The following ENDOG variants were observed in gnomAD, a reference collection of about 807,000 sequenced individuals.
The protein encoded by ENDOG is endonuclease G, mitochondrial.
A neutral mutation model predicts 22.6 loss-of-function variants in ENDOG; 22 were observed. The ratio of observed to expected loss-of-function variants is 0.97; its 90% confidence interval spans 0.70 to 1.39. The LOEUF is 1.39. Ranked by LOEUF, ENDOG falls within the 40% of genes most tolerant of loss-of-function variation. The probability of loss-of-function intolerance (pLI) is 0.00; values close to 1 mark genes in which losing one functional copy is unlikely to be tolerated. For missense variants in ENDOG, 403 were observed against 431.3 expected (o/e 0.93, Z 0.58); for synonymous variants, 173 against 200.2 (o/e 0.86, Z 1.15).
At chr9:128,821,868 T>C (rs1830126020) in intron 2 of ENDOG, 1 of 184,482 alleles carries the variant, frequency 5.4e-6, no homozygotes, top group Non-Finnish European at 1.2e-5. Context: ...TGATCAAATT[T>C]CATTAGCAGG....
At chr9:128,821,311 C>G (rs1830111999) in intron 2 of ENDOG, 1 of 185,964 alleles carries the variant, frequency 5.4e-6, no homozygotes, top group African/African-American at 2.4e-5. Flanking sequence ...CTCCCGCCTT[C>G]CCCATGCAGG....
intron 1 of ENDOG, 136 bp downstream of exon 1, chr9:128,819,321 C>A: frequency 1.5e-6 from 2 of 1,303,172 alleles, no homozygotes; most frequent in Non-Finnish European, 2.0e-6. Context: ...CATCCCGTGG[C>A]GGGAGGGAGG....
chr9:128,819,155 CACGTTCTACCTGAGCA>C lies in ENDOG; in HGVS notation c.476_491del (p.Phe159SerfsTer23). The C allele has an allele frequency of 6.6e-7, 1 of 1,510,426 alleles. No homozygotes were observed. The highest frequency in any genetic ancestry group is 8.8e-7 in the Non-Finnish European group (1 of 1,132,902). 93.6% of individuals were successfully genotyped at this position (1,510,426 alleles called of 1,614,324 possible). ...GCTGGAGCCAGAAGGCCATGGACGA[CACGTTCTACCTGAGCA>C]ACGTCGCGCCCCAGGTAGCGCCCGC... On this transcript the variant is annotated frameshift_variant, in exon 1 of 3. Transcript: ENST00000372642. LOFTEE classifies it high-confidence loss of function.
At chr9:128,819,695 A>T (rs1191699789) in intron 1 of ENDOG, 1 of 155,470 alleles carries the variant, frequency 6.4e-6, no homozygotes, top group Non-Finnish European at 1.4e-5. Flanking sequence ...ACATTGTAAC[A>T]TATAGTGAAA....
chr9:128,819,559 CCAACCTATTGGG>C, intron 1 of ENDOG: 1 of 225,228 alleles, frequency 4.4e-6, no homozygotes, highest in South Asian at 1.1e-4. Flanking sequence ...ACCGCAGCGC[CCAACCTATTGGG>C]CACCAGGGTG....
rs1351278540 is a variant in ENDOG, at chr9:128,818,970, G to C, written c.286G>C (p.Val96Leu). 1 of 1,494,520 alleles carries C rather than the reference G, an allele frequency of 6.7e-7. No homozygotes were observed. Among genetic ancestry groups the C allele is most frequent in the East Asian group, 2.8e-5 (1 of 35,562 alleles). 92.6% of individuals were successfully genotyped at this position (1,494,520 alleles called of 1,614,324 possible). Residue 96 changes from valine (V) to leucine (L), a missense_variant, in exon 1 of 3, where the codon GTG becomes CTG. Transcript: ENST00000372642. ...GCGCACCCGCGGCGCGCTCTGGGTG[G>C]TGGAGCAGCTGCGACCCGAGCGTCT... is the stretch of plus-strand genomic sequence containing the variant. ...DPRTRGALWV[V>L]EQLRPERLRG...
At chr9:128,821,415 G>A (rs1830115991) in intron 2 of ENDOG, 1 of 160,112 alleles carries the variant, frequency 6.2e-6, no homozygotes, top group Non-Finnish European at 1.4e-5. Context: ...AGTGCACCGA[G>A]CTCTCATGCC....
intron 2 of ENDOG, chr9:128,821,966 A>G (rs2977995): frequency 0.67 from 166,786 of 249,136 alleles, 59,214 homozygotes; most frequent in Admixed American, 0.76. Flanking sequence ...GTGCTGGGAT[A>G]TCACCTGTCA....
rs773548246 is a variant in ENDOG, at chr9:128,820,826, A to T, written c.589A>T (p.Thr197Ser). 2 of 1,610,924 alleles carry T rather than the reference A, an allele frequency of 1.2e-6. No homozygotes were observed. The highest frequency in any genetic ancestry group is 1.7e-6 in the Non-Finnish European group (2 of 1,178,568). Residue 197 changes from threonine (T) to serine (S), a missense_variant, in exon 2 of 3, where the codon ACA becomes TCA. Thr to Ser is a moderately conservative substitution (Grantham distance 58). Transcript: ENST00000372642. ...CAGCTACCAAAACGTCTATGTCTGC[A>T]CAGGGCCACTCTTCCTGCCCAGGTA... The part of the protein sequence containing the change: ...TRSYQNVYVC[T>S]GPLFLPRTEA...
intron 2 of ENDOG, 85 bp from the exon 3 acceptor site, chr9:128,822,242 AG>A: frequency 6.6e-7 from 1 of 1,505,214 alleles, no homozygotes; most frequent in South Asian, 1.3e-5. Context: ...CAGAAGTTAG[AG>A]GACAGATCAG....
chr9:128,819,209 T>G, intron 1 of ENDOG, 24 bp downstream of exon 1: 1 of 1,445,150 alleles, frequency 6.9e-7, no homozygotes, highest in Non-Finnish European at 9.0e-7. Context: ...CCCGGGCCGG[T>G]CGCGGAATGC....
In ENDOG at chr9:128,822,396, C is replaced by T. The variant is rs1181284539; in HGVS notation, c.680C>T (p.Thr227Ile). Residue 227 changes from threonine (T) to isoleucine (I), a missense_variant, in exon 3 of 3, where the codon ACA becomes ATA. Transcript: ENST00000372642. Reference protein sequence around the residue: ...VIGKNHVAVPTHFFKVLILEA... With the variant: ...VIGKNHVAVPIHFFKVLILEA... ...GGCAAGAACCACGTGGCAGTGCCCA[C>T]ACACTTCTTCAAGGTGCTGATCCTG... The T allele has an allele frequency of 6.2e-7, 1 of 1,612,906 alleles. No individual in the cohort carries two copies. Among genetic ancestry groups the T allele is most frequent in the East Asian group, 2.2e-5 (1 of 44,836 alleles).
intron 2 of ENDOG, 168 bp downstream of exon 2, chr9:128,821,016 T>C: frequency 1.6e-6 from 1 of 634,156 alleles, no homozygotes; most frequent in East Asian, 2.8e-5. Flanking sequence ...TCATTCCACC[T>C]CCACAGCCAA....
Position 128,819,176 on chromosome 9 carries a change from C to CGCGCCCCAGGTA in ENDOG, c.499_501+9dup. 6.7e-7 allele frequency: 1 copy of CGCGCCCCAGGTA among 1,489,364 alleles called. No homozygotes were observed. Among genetic ancestry groups the CGCGCCCCAGGTA allele is most frequent in the Non-Finnish European group, 8.9e-7 (1 of 1,124,896 alleles). The allele number at this position is 1,489,364 out of a possible 1,614,324, so 92.3% of individuals were successfully genotyped here. A position where few individuals can be genotyped will look rare whatever the true frequency, so the allele number is the denominator to read the frequency against. On this transcript the variant is annotated inframe_insertion, in exon 1 of 3. Coordinates refer to ENST00000372642, the MANE Select transcript of ENDOG (RefSeq NM_004435.2). ...ACGACACGTTCTACCTGAGCAACGT[C>CGCGCCCCAGGTA]GCGCCCCAGGTAGCGCCCGCGCCCC...
Position 128,820,448 on chromosome 9 carries a change from C to G in ENDOG, c.502-291C>G, listed in dbSNP as rs1589588461. 1.1e-5 allele frequency: 4 copies of G among 380,430 alleles called. No homozygotes were observed. The East Asian group carries it at 1.9e-4, about 18-fold the overall frequency. 23.6% of individuals were successfully genotyped at this position (380,430 alleles called of 1,614,324 possible). On this transcript the variant is annotated intron_variant, in intron 1 of 2. Coordinates refer to ENST00000372642, the MANE Select transcript of ENDOG (RefSeq NM_004435.2). ...AGGAGACCCTGGGTGGGGCTGGGGA[C>G]AGGCCTCAGTCCTCTCTGAAAGGTG...
At position 128,820,749 on chromosome 9, in the gene ENDOG, TCAACCAGAATGCCTGGAA is replaced by T; in HGVS notation, c.518_535del (p.Gln173_Asn178del). On this transcript the variant is annotated inframe_deletion, in exon 2 of 3. Transcript: ENST00000372642. The stretch of plus-strand genomic sequence containing the variant: ...TATCTCTCCTACCAGGTGCCCCACC[TCAACCAGAATGCCTGGAA>T]CAACCTGGAGAAATATAGCCGCAGC... The T allele has an allele frequency of 6.2e-7, 1 of 1,610,392 alleles. No individual in the cohort carries two copies. Among genetic ancestry groups the T allele is most frequent in the Non-Finnish European group, 8.5e-7 (1 of 1,178,244 alleles).
intron 1 of ENDOG, chr9:128,819,757 TG>T (rs1386485063): frequency 6.4e-6 from 1 of 156,636 alleles, no homozygotes; most frequent in African/African-American, 2.4e-5. Context: ...CTTGTTTTCC[TG>T]CAACTAGACA....
chr9:128,819,173 C>A lies in ENDOG; in HGVS notation c.489C>A (p.Asn163Lys), dbSNP rs1172501304. The A allele has an allele frequency of 1.3e-6, 2 of 1,490,558 alleles. No homozygotes were observed. The highest frequency in any genetic ancestry group is 1.8e-6 in the Non-Finnish European group (2 of 1,125,486). 92.3% of individuals were successfully genotyped at this position (1,490,558 alleles called of 1,614,324 possible). Residue 163 changes from asparagine to lysine, a missense_variant, in exon 1 of 3, where the codon AAC becomes AAA. Transcript: ENST00000372642. The part of the protein sequence containing the change: ...KAMDDTFYLS[N>K]VAPQVPHLNQ... The stretch of plus-strand genomic sequence containing the variant: ...TGGACGACACGTTCTACCTGAGCAA[C>A]GTCGCGCCCCAGGTAGCGCCCGCGC...
In ENDOG at chr9:128,819,118, C is replaced by T. The variant is rs959785492; in HGVS notation, c.434C>T (p.Ala145Val). 10 of 1,519,618 alleles carry T rather than the reference C, an allele frequency of 6.6e-6. No homozygotes were observed. In the Middle Eastern group the frequency reaches 8.7e-4, roughly 132 times the overall value. The allele number at this position is 1,519,618 out of a possible 1,614,324, so 94.1% of individuals were successfully genotyped here. The change falls in exon 1 of 3, where the codon GCC becomes GTC. Residue 145 changes from alanine (A) to valine (V), a missense_variant. Physicochemically the swap from Ala to Val is moderately conservative, Grantham distance 64 (BLOSUM62 0). Coordinates refer to ENST00000372642, the MANE Select transcript of ENDOG (RefSeq NM_004435.2). The stretch of plus-strand genomic sequence containing the variant: ...TTCGACCGCGGTCACCTGGCCGCCG[C>T]CGCCAACCACCGCTGGAGCCAGAAG... ...SGFDRGHLAA[A>V]ANHRWSQKAM...
Sources: gnomAD v4.1 joint callset for allele counts on GRCh38, gnomAD v4.1.1 for gene constraint, MANE v1.5 for transcripts, NCBI Gene and HGNC (gene_info 2026-07-23, HGNC 2026-07-21) for gene names.